DSCAM: variants seen among roughly 807,000 people sequenced by gnomAD.
DSCAM encodes cell adhesion molecule DSCAM.
In DSCAM, 47 loss-of-function variants were observed where a neutral mutation model predicts 217.7. The ratio of observed to expected loss-of-function variants is 0.22; its 90% CI spans 0.17 to 0.28. The LOEUF is 0.28. Ranked by LOEUF, DSCAM falls within the 10% of genes least tolerant of loss-of-function variation. The pLI is 1.00. For missense variants in DSCAM, 2,080 were observed against 2,618.3 expected (o/e 0.79, Z 4.49); for synonymous variants, 1,056 against 1,015.3 (o/e 1.04, Z -0.76).
At chr21:40,599,030 C>T (rs1451024765) in intron 3 of DSCAM, among the ~76,000 whole-genome samples, 1 of 151,936 alleles carries the variant, frequency 6.6e-6, no homozygotes, top group East Asian at 1.9e-4. Context: ...ATCTTTTGTT[C>T]TTTTTTAACA....
In DSCAM at chr21:40,471,439, A is replaced by G. The variant is rs564918688; in HGVS notation, c.509-102194T>C. 2.0e-5 allele frequency among the ~76,000 whole-genome samples: 3 copies of G among 152,294 alleles called. No individual in the cohort carries two copies. In the South Asian group the frequency reaches 6.2e-4, roughly 32 times the overall value. ...ATCTTAGGTGCAGCAATTTTAACCC[A>G]GTGCTTTTAAAACAACATCAGTAAC... On this transcript the variant is annotated intron_variant, in intron 3 of 32. Coordinates refer to ENST00000400454, the MANE Select transcript of DSCAM (RefSeq NM_001389.5).
chr21:40,215,700 A>G (rs941697383), intron 11 of DSCAM, among the ~76,000 whole-genome samples: 3 of 152,140 alleles, frequency 2.0e-5, no homozygotes, highest in African/African-American at 7.2e-5. Flanking sequence ...GGGTAAATGT[A>G]TACTATTTGG....
chr21:40,644,861 A>C (rs986379887), intron 3 of DSCAM, among the ~76,000 whole-genome samples: 2 of 152,194 alleles, frequency 1.3e-5, no homozygotes, highest in Non-Finnish European at 2.9e-5. Flanking sequence ...CATCCCTAAA[A>C]TCTGAGGAGA....
At position 40,011,562 on chromosome 21, in the gene DSCAM, A is replaced by C. The variant is rs1321963028; in HGVS notation, c.*1472T>G. On this transcript the variant is annotated 3_prime_UTR_variant, in exon 33 of 33. Coordinates refer to ENST00000400454, the MANE Select transcript of DSCAM (RefSeq NM_001389.5). ...CCTGTTTATCTTTCCATTTTATGGA[A>C]GTGAGCCTGGAATGGAGTGTTGCAG... is the stretch of plus-strand genomic sequence containing the variant. The C allele has an allele frequency of 1.3e-5, 2 of 152,136 alleles. No individual in the cohort carries two copies. The highest frequency in any genetic ancestry group is 2.9e-5 in the Non-Finnish European group (2 of 68,040). The allele number at this position is 152,136 out of a possible 1,614,324, so 9.4% of individuals were successfully genotyped here.
chr21:40,435,451 G>A (rs1372947656), intron 3 of DSCAM, among the ~76,000 whole-genome samples: 1 of 150,892 alleles, frequency 6.6e-6, no homozygotes, highest in Non-Finnish European at 1.5e-5. Context: ...GGTGACACAA[G>A]TTTACCTTTA....
intron 11 of DSCAM, among the ~76,000 whole-genome samples, chr21:40,208,419 A>G (rs1258604174): frequency 6.6e-6 from 1 of 152,170 alleles, no homozygotes; most frequent in South Asian, 2.1e-4. Context: ...GCGCCATTGC[A>G]CTCCAGCCTG....
intron 3 of DSCAM, among the ~76,000 whole-genome samples, chr21:40,548,320 T>C (rs1164057938): frequency 1.3e-5 from 2 of 152,104 alleles, no homozygotes; most frequent in South Asian, 2.1e-4. Context: ...AAATGAGCCA[T>C]CGACTCCTCC....
chr21:40,294,347 A>G (rs751450326), intron 10 of DSCAM, among the ~76,000 whole-genome samples: 1 of 152,254 alleles, frequency 6.6e-6, no homozygotes, highest in African/African-American at 2.4e-5. Flanking sequence ...GTTAAACAAC[A>G]TTAACAATCT....
rs964293116 is a variant in DSCAM, at chr21:40,311,767, G to A, written c.2062+314C>T. Among the ~76,000 whole-genome samples, 11 of 151,872 alleles carry A rather than the reference G, an allele frequency of 7.2e-5. No homozygotes were observed. In the South Asian group the frequency reaches 1.2e-3, roughly 17 times the overall value. On this transcript the variant is annotated intron_variant, in intron 9 of 32. Transcript: ENST00000400454. ...TGAATACAATAAAGCAAAAGCTCAC[G>A]GACGTTAGTCCTCAAAACTCATTGG...
intron 3 of DSCAM, among the ~76,000 whole-genome samples, chr21:40,678,395 G>A (rs1442283747): frequency 1.3e-5 from 2 of 152,150 alleles, no homozygotes; most frequent in Admixed American, 1.3e-4. Flanking sequence ...TCCCTGCACC[G>A]CCATTCACTG....
intron 3 of DSCAM, among the ~76,000 whole-genome samples, chr21:40,486,445 G>A (rs1174476392): frequency 6.6e-6 from 1 of 151,764 alleles, no homozygotes; most frequent in South Asian, 2.1e-4. Flanking sequence ...GAGGCAGGCA[G>A]GCAGGCAGGA....
chr21:40,343,135 T>C (rs1278628269), intron 6 of DSCAM, among the ~76,000 whole-genome samples: 1 of 152,204 alleles, frequency 6.6e-6, no homozygotes, highest in South Asian at 2.1e-4. Flanking sequence ...AGAAATAAAA[T>C]TGCATTTTGT....
intron 27 of DSCAM, among the ~76,000 whole-genome samples, chr21:40,070,722 A>G (rs2089282218): frequency 6.6e-6 from 1 of 152,170 alleles, no homozygotes; most frequent in Non-Finnish European, 1.5e-5. Flanking sequence ...GGTTTTCCAA[A>G]TGAGGGGAGC....
chr21:40,123,943 G>T (rs2090065331), intron 20 of DSCAM, among the ~76,000 whole-genome samples: 1 of 152,124 alleles, frequency 6.6e-6, no homozygotes, highest in African/African-American at 2.4e-5. Context: ...CAGGCTGCTG[G>T]CAGTTTAGTG....
chr21:40,442,502 C>T (rs2075639162), intron 3 of DSCAM, among the ~76,000 whole-genome samples: 1 of 146,936 alleles, frequency 6.8e-6, no homozygotes, highest in Admixed American at 7.1e-5. Flanking sequence ...AATTAAGACC[C>T]CTAATTTTTT....
At chr21:40,549,286 G>A (rs1299186828) in intron 3 of DSCAM, among the ~76,000 whole-genome samples, 1 of 152,146 alleles carries the variant, frequency 6.6e-6, no homozygotes. Context: ...ACATAAACAA[G>A]CTTGGCAGAA....
In DSCAM at chr21:40,042,518, A is replaced by G. The variant is rs1435851214; in HGVS notation, c.5539T>C (p.Leu1847=). The stretch of plus-strand genomic sequence containing the variant: ...GTGTACTCATTTGTCCCTGCCGTCA[A>G]CTGCTCCGATGACGTGTCTGATATG... ...CFISDTSSEQ[L]TAGTNEYTDS... Residue 1847 remains leucine, a synonymous_variant, in exon 32 of 33, where the codon TTG becomes CTG. Transcript: ENST00000400454. 6.2e-7 allele frequency: 1 copy of G among 1,614,196 alleles called. No homozygotes were observed. The highest frequency in any genetic ancestry group is 8.5e-7 in the Non-Finnish European group (1 of 1,180,030).
At chr21:40,353,197 T>C (rs552318923) in intron 5 of DSCAM, among the ~76,000 whole-genome samples, 1 of 152,314 alleles carries the variant, frequency 6.6e-6, no homozygotes, top group South Asian at 2.1e-4. Context: ...GGAAATGTAA[T>C]AGTCTGTGGC....
intron 3 of DSCAM, among the ~76,000 whole-genome samples, chr21:40,501,311 T>C (rs1238791446): frequency 6.6e-6 from 1 of 152,218 alleles, no homozygotes; most frequent in African/African-American, 2.4e-5. Context: ...AAATACATAT[T>C]TGAAGTATTG....
Sources: allele counts gnomAD v4.1 joint callset (sites outside exome capture counted in the v4.1 genomes callset), GRCh38; gene constraint gnomAD v4.1.1; transcripts MANE v1.5; gene names NCBI Gene and HGNC (gene_info 2026-07-23, HGNC 2026-07-21).